Variants in CSMD1 observed in about 807,000 individuals in gnomAD.
The protein encoded by CSMD1 is CUB and sushi domain-containing protein 1.
Under a neutral mutation model 417.5 loss-of-function variants are expected in CSMD1, and 213 were observed. That is an observed-to-expected ratio of 0.51 (90% CI 0.46 to 0.57). The LOEUF is 0.57. Among genes scored for constraint, CSMD1 ranks in the 20% least tolerant of loss-of-function variants. The pLI is 0.00. For missense variants in CSMD1, 6,923 were observed against 4,529.7 expected, an observed-to-expected ratio of 1.53 and a Z score of -15.17; for synonymous variants, 2,862 against 1,736.8, an observed-to-expected ratio of 1.65 and a Z score of -16.11.
intron 5 of CSMD1, among the ~76,000 whole-genome samples, chr8:3,797,505 A>C (rs761444104): frequency 1.3e-5 from 2 of 151,962 alleles, no homozygotes; most frequent in Non-Finnish European, 2.9e-5. Context: ...CTTTAACTTT[A>C]TATAAATGGA....
intron 11 of CSMD1, among the ~76,000 whole-genome samples, chr8:3,470,838 G>C (rs1242638540): frequency 1.3e-5 from 2 of 152,140 alleles, no homozygotes; most frequent in African/African-American, 2.4e-5. Flanking sequence ...CCCAGTTGTT[G>C]TTTATACCAA....
intron 42 of CSMD1, chr8:3,113,457 A>T (rs1261669841): frequency 6.6e-6 from 1 of 152,266 alleles, no homozygotes; most frequent in Non-Finnish European, 1.5e-5. Flanking sequence ...TCCAAGAATA[A>T]GCACATAAAG....
chr8:3,723,236 T>C (rs1221838247), intron 6 of CSMD1, among the ~76,000 whole-genome samples: 1 of 152,106 alleles, frequency 6.6e-6, no homozygotes, highest in East Asian at 1.9e-4. Flanking sequence ...TTGTGACCCA[T>C]CCATCAACAA....
chr8:4,912,564 T>C lies in CSMD1; in HGVS notation c.85+81768A>G, dbSNP rs569492722. Among the ~76,000 whole-genome samples, 6 of 152,206 alleles carry C rather than the reference T, an allele frequency of 3.9e-5. No homozygotes were observed. The East Asian group carries it at 7.7e-4, about 20-fold the overall frequency. On this transcript the variant is annotated intron_variant, in intron 1 of 69. Transcript: ENST00000635120. ...CCCACCTTTAGTGACTTCACTGGGG[T>C]AGTCTGAAATGAACACTCTCAAAAG...
At chr8:4,955,293 A>G (rs1343285229) in intron 1 of CSMD1, among the ~76,000 whole-genome samples, 1 of 152,196 alleles carries the variant, frequency 6.6e-6, no homozygotes, top group Non-Finnish European at 1.5e-5. Context: ...TAAACTTGTA[A>G]TTAATTTGTA....
intron 5 of CSMD1, among the ~76,000 whole-genome samples, chr8:3,948,823 A>T (rs1342630002): frequency 7.8e-6 from 1 of 127,930 alleles, no homozygotes; most frequent in Non-Finnish European, 1.7e-5. Flanking sequence ...TTTTGAAGAG[A>T]CATTTTTATT....
At chr8:4,765,572 G>C (rs191893899) in intron 1 of CSMD1, among the ~76,000 whole-genome samples, 7 of 152,342 alleles carry the variant, frequency 4.6e-5, no homozygotes, top group East Asian at 3.9e-4. Flanking sequence ...GATCAACTGA[G>C]ATATGGACAA....
chr8:3,952,135 A>T (rs2627512), intron 5 of CSMD1, among the ~76,000 whole-genome samples: 140,421 of 152,222 alleles, frequency 0.92, 64,828 homozygotes, highest in Middle Eastern at 0.95. Context: ...GTAGTGGTTC[A>T]CAAAGTATGG....
At chr8:3,303,788 C>T (rs1264975357) in intron 25 of CSMD1, among the ~76,000 whole-genome samples, 1 of 152,114 alleles carries the variant, frequency 6.6e-6, no homozygotes, top group Non-Finnish European at 1.5e-5. Flanking sequence ...GAAATATTAC[C>T]AAATAACTTT....
chr8:3,275,942 C>G (rs1461402471), intron 26 of CSMD1, among the ~76,000 whole-genome samples: 1 of 152,206 alleles, frequency 6.6e-6, no homozygotes, highest in African/African-American at 2.4e-5. Flanking sequence ...CAAACTCTTT[C>G]TCTGTTCAGC....
chr8:3,829,433 G>C (rs1051083763), intron 5 of CSMD1, among the ~76,000 whole-genome samples: 1 of 152,086 alleles, frequency 6.6e-6, no homozygotes, highest in African/African-American at 2.4e-5. Context: ...GTCAATACCG[G>C]TTCCACATGA....
At chr8:4,562,745 C>T (rs925005651) in intron 2 of CSMD1, among the ~76,000 whole-genome samples, 1 of 152,068 alleles carries the variant, frequency 6.6e-6, no homozygotes, top group Admixed American at 6.6e-5. Context: ...CAGATGCATG[C>T]TGGTGGCTGT....
At chr8:3,918,926 G>A (rs1479131259) in intron 5 of CSMD1, among the ~76,000 whole-genome samples, 2 of 133,146 alleles carry the variant, frequency 1.5e-5, no homozygotes, top group Non-Finnish European at 3.4e-5. Flanking sequence ...ACTGGGTTCA[G>A]TGTGGGCTGC....
intron 26 of CSMD1, among the ~76,000 whole-genome samples, chr8:3,272,727 C>G (rs1314001294): frequency 6.9e-6 from 1 of 145,898 alleles, no homozygotes; most frequent in African/African-American, 2.6e-5. Flanking sequence ...ATTTGGCTCT[C>G]TGTTTGTCTG....
At chr8:4,215,501 T>G (rs908008683) in intron 3 of CSMD1, among the ~76,000 whole-genome samples, 1 of 8,850 alleles carries the variant, frequency 1.1e-4, no homozygotes, top group African/African-American at 4.1e-4. Flanking sequence ...TATGAATACA[T>G]AGAGAGTTTT....
chr8:3,784,622 T>C (rs948868124), intron 5 of CSMD1, among the ~76,000 whole-genome samples: 1 of 152,130 alleles, frequency 6.6e-6, no homozygotes, highest in Non-Finnish European at 1.5e-5. Context: ...AACAGAAAAA[T>C]GAATAAATCA....
chr8:4,472,890 T>C (rs1274933169), intron 2 of CSMD1, among the ~76,000 whole-genome samples: 1 of 152,016 alleles, frequency 6.6e-6, no homozygotes, highest in Admixed American at 6.6e-5. Flanking sequence ...AGAAAAATTA[T>C]AGTAGAAATT....
intron 26 of CSMD1, among the ~76,000 whole-genome samples, chr8:3,248,556 G>C (rs1390220255): frequency 2.0e-5 from 2 of 101,442 alleles, no homozygotes; most frequent in African/African-American, 7.6e-5. Flanking sequence ...TTGAGACGTA[G>C]TCTCGCTCTG....
At chr8:4,249,924 G>A (rs1802952078) in intron 3 of CSMD1, among the ~76,000 whole-genome samples, 1 of 152,132 alleles carries the variant, frequency 6.6e-6, no homozygotes, top group Non-Finnish European at 1.5e-5. Context: ...CCTGGGAAGT[G>A]TTTAGGTTAT....
Sources: allele counts gnomAD v4.1 joint callset (sites outside exome capture counted in the v4.1 genomes callset), GRCh38; gene constraint gnomAD v4.1.1; transcripts MANE v1.5; gene names NCBI Gene and HGNC (gene_info 2026-07-23, HGNC 2026-07-21).